The following DPP6 variants were observed in gnomAD, a reference collection of about 807,000 sequenced individuals.
The protein encoded by DPP6 is A-type potassium channel modulatory protein DPP6.
Under a neutral mutation model 122.6 loss-of-function variants are expected in DPP6, and 69 were observed. That is an observed-to-expected ratio of 0.56 (90% CI 0.46 to 0.69). DPP6 has a LOEUF of 0.69. DPP6 is among the 30% of genes least tolerant of loss of function. The pLI is 0.00. For synonymous variants in DPP6, 418 were observed against 433.1 expected, an observed-to-expected ratio of 0.97 and a Z score of 0.43; for missense variants, 928 against 1,116.9, an observed-to-expected ratio of 0.83 and a Z score of 2.41.
intron 1 of DPP6, among the ~76,000 whole-genome samples, chr7:153,918,467 CT>C (rs1563005648): frequency 1.4e-5 from 1 of 69,482 alleles, no homozygotes; most frequent in African/African-American, 4.7e-5. Context: ...CACACACACA[CT>C]CTCTCTCTCT....
At chr7:153,855,229 A>C in the DPP6 span, among the ~76,000 whole-genome samples, 7 of 145,418 alleles carry the variant, frequency 4.8e-5, no homozygotes, top group Admixed American at 4.1e-4. Flanking sequence ...CCTAAAACTT[A>C]AAGTATAATA....
At position 154,106,859 on chromosome 7, in the gene DPP6, A is replaced by G. The variant is rs551296069; in HGVS notation, c.243+53796A>G. Among the ~76,000 whole-genome samples the G allele has an allele frequency of 7.2e-5, 11 of 152,234 alleles. No individual in the cohort carries two copies. In the East Asian group the frequency reaches 1.9e-3, roughly 27 times the overall value. On this transcript the variant is annotated intron_variant, in intron 1 of 25. Transcript: ENST00000377770. ...CCGGAAGTGAGGGAAGGAGCAACGC[A>G]CTGACGCTGAGTGCTTTCAAGCAGG... is the stretch of plus-strand genomic sequence containing the variant.
chr7:154,051,141 A>G (rs1800287050), upstream of DPP6, among the ~76,000 whole-genome samples: 1 of 124,334 alleles, frequency 8.0e-6, no homozygotes, highest in African/African-American at 3.0e-5. Flanking sequence ...CCCTAAGTGG[A>G]AACAGGCATG....
At chr7:154,318,791 A>G (rs1439111518) in intron 1 of DPP6, among the ~76,000 whole-genome samples, 3 of 152,078 alleles carry the variant, frequency 2.0e-5, no homozygotes. Context: ...TTCCCACACT[A>G]TACCCCACCC....
intron 1 of DPP6, among the ~76,000 whole-genome samples, chr7:154,361,453 T>C (rs556026335): frequency 1.3e-5 from 2 of 152,280 alleles, no homozygotes; most frequent in African/African-American, 4.8e-5. Flanking sequence ...CCACGGTCTT[T>C]TGTTTACATT....
chr7:154,241,185 A>ATGTG lies in DPP6; in HGVS notation c.243+188154_243+188157dup, dbSNP rs1554498771. Among the ~76,000 whole-genome samples the ATGTG allele has an allele frequency of 0.017, 2,366 of 136,250 alleles. 40 individuals carry two copies. The highest frequency in any genetic ancestry group is 0.036 in the African/African-American group (1,272 of 35,756). The allele number at this position is 136,250 out of a possible 152,430, so 89.4% of individuals were successfully genotyped here. On this transcript the variant is annotated intron_variant, in intron 1 of 25. Coordinates refer to ENST00000377770, the MANE Select transcript of DPP6 (RefSeq NM_130797.4). The surrounding 1 kb of genome is among the most constrained non-coding windows in gnomAD (Gnocchi z 9.0). Reference sequence around the variant, plus strand: ...GCACAGTAGGTAATTCAATATCAATATGTGTGTGTGTGTGTGTGTGTGTGT... The same window carrying ATGTG: ...GCACAGTAGGTAATTCAATATCAATATGTGTGTGTGTGTGTGTGTGTGTGTGTGT...
intron 1 of DPP6, among the ~76,000 whole-genome samples, chr7:154,347,414 G>T (rs1810490511): frequency 6.6e-6 from 1 of 152,174 alleles, no homozygotes; most frequent in African/African-American, 2.4e-5. Context: ...CCTTTCATCT[G>T]CATGAAAATT....
At chr7:153,987,893 C>A (rs1323033151) in intron 1 of DPP6, among the ~76,000 whole-genome samples, 1 of 152,172 alleles carries the variant, frequency 6.6e-6, no homozygotes, top group Non-Finnish European at 1.5e-5. Context: ...GAGGCAGCAG[C>A]ATAAATACGT....
chr7:154,239,154 T>C (rs1801407082), intron 1 of DPP6, among the ~76,000 whole-genome samples: 2 of 152,234 alleles, frequency 1.3e-5, no homozygotes, highest in Non-Finnish European at 2.9e-5. Context: ...AATTCTTTCA[T>C]GGTACCGAGC....
chr7:154,654,229 A>G (rs1481906692), intron 6 of DPP6, among the ~76,000 whole-genome samples: 1 of 152,004 alleles, frequency 6.6e-6, no homozygotes, highest in Non-Finnish European at 1.5e-5. Context: ...CCCGGAACCA[A>G]TCTTCCATGG....
chr7:154,882,869 T>C (rs946743704), intron 21 of DPP6, among the ~76,000 whole-genome samples: 5 of 152,122 alleles, frequency 3.3e-5, no homozygotes, highest in African/African-American at 1.2e-4. Context: ...CCCTGCCCTA[T>C]TAAAGGAACA....
chr7:154,442,882 G>A (rs1054671025), intron 1 of DPP6, among the ~76,000 whole-genome samples: 14 of 152,124 alleles, frequency 9.2e-5, no homozygotes, highest in Non-Finnish European at 1.6e-4. Flanking sequence ...CTTGTTGGCC[G>A]CTCCTGTTCC....
intron 1 of DPP6, among the ~76,000 whole-genome samples, chr7:154,152,312 G>A (rs1248326194): frequency 1.3e-5 from 2 of 152,170 alleles, no homozygotes; most frequent in East Asian, 1.9e-4. Context: ...GATGGGGTGC[G>A]ACCAGCAGCT....
At chr7:154,012,466 T>C (rs1184395189) in intron 1 of DPP6, among the ~76,000 whole-genome samples, 3 of 152,150 alleles carry the variant, frequency 2.0e-5, no homozygotes, top group Non-Finnish European at 1.5e-5. Context: ...ACAAGATAAA[T>C]TGGGCATTTT....
At chr7:154,519,847 G>A (rs1299009207) in intron 3 of DPP6, among the ~76,000 whole-genome samples, 1 of 152,190 alleles carries the variant, frequency 6.6e-6, no homozygotes, top group African/African-American at 2.4e-5. Context: ...GTCAAAAGGT[G>A]TAGTTGGTTT....
At chr7:154,592,277 A>G (rs1247654307) in intron 5 of DPP6, among the ~76,000 whole-genome samples, 2 of 152,160 alleles carry the variant, frequency 1.3e-5, no homozygotes, top group African/African-American at 4.8e-5. Context: ...TCAGGGAGAG[A>G]AGGAAATGGA....
intron 1 of DPP6, among the ~76,000 whole-genome samples, chr7:154,307,081 G>T (rs375334234): frequency 6.6e-6 from 1 of 152,084 alleles, no homozygotes; most frequent in African/African-American, 2.4e-5. Context: ...GTGCATTGCT[G>T]TTCATAGGTC....
intron 1 of DPP6, among the ~76,000 whole-genome samples, chr7:154,383,934 A>G (rs994504764): frequency 6.6e-6 from 1 of 151,720 alleles, no homozygotes. Context: ...TTAAAATAAT[A>G]CCCATCTCTT....
intron 1 of DPP6, among the ~76,000 whole-genome samples, chr7:154,223,840 T>C (rs548114829): frequency 1.3e-5 from 2 of 148,626 alleles, no homozygotes; most frequent in East Asian, 2.0e-4. Context: ...GAGTGGAGAA[T>C]AGGCAGGAGG....
Sources: gnomAD v4.1 joint callset for allele counts (sites outside exome capture counted in the v4.1 genomes callset) on GRCh38, gnomAD v4.1.1 for gene constraint, Gnocchi (gnomAD v3.1) non-coding constraint, MANE v1.5 for transcripts, NCBI Gene and HGNC (gene_info 2026-07-23, HGNC 2026-07-21) for gene names.